The following DGKZ variants were observed in gnomAD, a reference collection of about 807,000 sequenced individuals.
DGKZ encodes diacylglycerol kinase zeta.
Under a neutral mutation model 142.5 loss-of-function variants are expected in DGKZ, and 45 were observed. The observed-to-expected ratio is 0.32, with a 90% confidence interval of 0.25 to 0.40. The LOEUF (loss-of-function observed/expected upper bound fraction) is 0.40, where lower values mean the gene tolerates loss of function less well. DGKZ is among the 10% of genes least tolerant of loss of function. DGKZ has a pLI of 1.00. For synonymous variants in DGKZ, 442 were observed against 527.0 expected, an observed-to-expected ratio of 0.84 and a Z score of 2.21; for missense variants, 755 against 1,306.5, an observed-to-expected ratio of 0.58 and a Z score of 6.51.
exon 22 of DGKZ, chr11:46,376,088 G>T (rs760364837): frequency 5.0e-6 from 8 of 1,611,850 alleles, no homozygotes; most frequent in Non-Finnish European, 6.8e-6. Flanking sequence ...GCACTGTGGT[G>T]GTCCCAGGAG....
chr11:46,351,589 GC>G (rs1040778576), intron 1 of DGKZ, among the ~76,000 whole-genome samples: 3 of 152,234 alleles, frequency 2.0e-5, no homozygotes, highest in Non-Finnish European at 2.9e-5. Context: ...TGTCTATGGT[GC>G]CAGGGTGTCT....
chr11:46,338,087 T>C (rs1940097082), intron 1 of DGKZ, among the ~76,000 whole-genome samples: 1 of 152,252 alleles, frequency 6.6e-6, no homozygotes, highest in African/African-American at 2.4e-5. Flanking sequence ...AACGTGTAAG[T>C]GAAGAAGCGC....
chr11:46,347,595 G>T lies in DGKZ; in HGVS notation c.-65G>T. 2.6e-6 allele frequency: 3 copies of T among 1,163,966 alleles called. No individual in the cohort carries two copies. The highest frequency in any genetic ancestry group is 3.2e-6 in the Non-Finnish European group (3 of 944,436). 72.1% of individuals were successfully genotyped at this position (1,163,966 alleles called of 1,614,324 possible). On this transcript the variant is annotated 5_prime_UTR_variant, in exon 1 of 31. Transcript: ENST00000527911. The surrounding 1 kb of genome is among the most constrained non-coding windows in gnomAD (Gnocchi z 6.4). ...GGGCGGCGCGGAGCGGGCGTGCTGA[G>T]CCCCGGCCGCCGGCCCGGCATGGGC...
rs372906698 is a variant in DGKZ at position 46,371,307 on chromosome 11, C to T, written c.571-6C>T. ...CCTGGTTCCCATCCATCCTGTCTAC[C>T]CTCAGGGATTCCAGCAGAAGTTCAC... On this transcript the variant is annotated splice_polypyrimidine_tract_variant and splice_region_variant and intron_variant, in intron 6 of 30. Coordinates refer to ENST00000527911, the Ensembl canonical transcript of DGKZ. 1.4e-5 allele frequency: 23 copies of T among 1,613,488 alleles called. No homozygotes were observed. In the African/African-American group the frequency reaches 2.7e-4, roughly 19 times the overall value.
At chr11:46,361,710 A>T in intron 1 of DGKZ, 1 of 983,618 alleles carries the variant, frequency 1.0e-6, no homozygotes, top group Non-Finnish European at 1.2e-6. Context: ...AGATCAGGTC[A>T]AAAGGGGCCC....
At chr11:46,361,510 A>C (rs1942647767) in intron 1 of DGKZ, 1 of 503,870 alleles carries the variant, frequency 2.0e-6, no homozygotes, top group Non-Finnish European at 2.6e-6. Flanking sequence ...GCGTTCAGTT[A>C]CCAATCGGGT....
intron 4 of DGKZ, 85 bp from the exon 5 acceptor site, chr11:46,369,407 ACT>A (rs1441128212): frequency 2.0e-6 from 3 of 1,517,900 alleles, no homozygotes; most frequent in East Asian, 2.3e-5. Flanking sequence ...TGTGAGGATG[ACT>A]CTGGGTTGTC....
At chr11:46,335,382 T>C (rs766656822) in intron 1 of DGKZ, among the ~76,000 whole-genome samples, 4 of 150,356 alleles carry the variant, frequency 2.7e-5, no homozygotes, top group Admixed American at 6.6e-5. Context: ...CAAAGAATAA[T>C]TGAATAATTA....
At chr11:46,335,805 C>T (rs1462273611) in intron 1 of DGKZ, among the ~76,000 whole-genome samples, 1 of 152,182 alleles carries the variant, frequency 6.6e-6, no homozygotes, top group Admixed American at 6.5e-5. Flanking sequence ...TCTTCCAGGC[C>T]CAGGGGACCC....
chr11:46,379,214 A>T (rs1448282789), exon 29 of DGKZ: 9 of 1,612,878 alleles, frequency 5.6e-6, no homozygotes, highest in Non-Finnish European at 6.8e-6. Flanking sequence ...CCCCCCAGAG[A>T]TCCTTGATGC....
intron 9 of DGKZ, 37 bp downstream of exon 9, chr11:46,371,812 GGA>G (rs755349484): frequency 7.5e-6 from 12 of 1,597,120 alleles, no homozygotes; most frequent in Non-Finnish European, 1.0e-5. Flanking sequence ...CAGGGGAGCA[GGA>G]GAGAGGGGTC....
chr11:46,354,416 G>A (rs771988872), intron 1 of DGKZ, among the ~76,000 whole-genome samples: 5 of 152,034 alleles, frequency 3.3e-5, no homozygotes, highest in East Asian at 3.8e-4. Context: ...GGTTGGTCTC[G>A]AACTCCTGGC....
At chr11:46,347,362 G>A (rs1377430871), upstream of DGKZ, 1 of 984,362 alleles carries the variant, frequency 1.0e-6, no homozygotes, top group Non-Finnish European at 1.2e-6. This position sits in a 1 kb window ranked among gnomAD's most constrained non-coding sequence, Gnocchi z 6.4. Context: ...CCGGCAGAGG[G>A]CGCTGCGGGC....
chr11:46,371,618 C>T lies in DGKZ; in HGVS notation c.759+15C>T, dbSNP rs1943957681. 1.2e-6 allele frequency: 2 copies of T among 1,612,912 alleles called. No homozygotes were observed. The highest frequency in any genetic ancestry group is 1.7e-5 in the Admixed American group (1 of 59,976). Reference sequence around the variant, plus strand: ...GGAGGCCCCAGGTGAGTACTGCCTGCACCCTTGATGCCCCGTACGCACTTG... The same window carrying T: ...GGAGGCCCCAGGTGAGTACTGCCTGTACCCTTGATGCCCCGTACGCACTTG... On this transcript the variant is annotated intron_variant, in intron 8 of 30. Transcript: ENST00000527911.
At chr11:46,349,137 C>T (rs1432862684) in intron 1 of DGKZ, among the ~76,000 whole-genome samples, 1 of 152,242 alleles carries the variant, frequency 6.6e-6, no homozygotes, top group South Asian at 2.1e-4. Flanking sequence ...TGTCTCTGAG[C>T]ACATGCACAG....
intron 1 of DGKZ, among the ~76,000 whole-genome samples, chr11:46,341,079 C>T (rs754660131): frequency 4.5e-4 from 68 of 152,332 alleles, no homozygotes; most frequent in Admixed American, 6.5e-4. Flanking sequence ...ACCTGAGAGG[C>T]GGAGGTTGCA....
chr11:46,366,582 T>TG, intron 1 of DGKZ: 1 of 1,607,582 alleles, frequency 6.2e-7, no homozygotes, highest in African/African-American at 1.3e-5. Flanking sequence ...GCACCCCTGC[T>TG]GTTGACCGGG....
chr11:46,369,850 G>A, intron 5 of DGKZ, 91 bp from the exon 6 acceptor site: 1 of 1,407,554 alleles, frequency 7.1e-7, no homozygotes, highest in Middle Eastern at 1.8e-4. Context: ...AGCGCTTCCT[G>A]CAGCCCCGTG....
At chr11:46,370,133 A>G in intron 6 of DGKZ, 124 bp downstream of exon 6, 1 of 1,231,238 alleles carries the variant, frequency 8.1e-7, no homozygotes, top group Non-Finnish European at 1.2e-6. Flanking sequence ...GCTGACCCTC[A>G]GCCTGGCTGC....
Sources: allele counts gnomAD v4.1 joint callset (sites outside exome capture counted in the v4.1 genomes callset), GRCh38; gene constraint gnomAD v4.1.1; non-coding constraint Gnocchi (gnomAD v3.1); transcripts MANE v1.5; gene names NCBI Gene and HGNC (gene_info 2026-07-23, HGNC 2026-07-21).